The following CCNY variants were observed in gnomAD, a reference collection of about 807,000 sequenced individuals.
CCNY encodes cyclin-Y.
In CCNY, 19 loss-of-function variants were observed where a neutral mutation model predicts 42.8. The observed-to-expected ratio is 0.44, with a 90% CI of 0.31 to 0.65. The LOEUF is 0.65. Ranked by LOEUF, CCNY falls within the 30% of genes least tolerant of loss-of-function variation. The pLI, the probability that CCNY is intolerant of heterozygous loss-of-function variation, is 0.07. For missense variants in CCNY, 370 were observed against 437.3 expected, an observed-to-expected ratio of 0.85 and a Z score of 1.37; for synonymous variants, 165 against 162.7, an observed-to-expected ratio of 1.01 and a Z score of -0.11.
chr10:35,275,385 G>A (rs917520570), intron 3 of CCNY, among the ~76,000 whole-genome samples: 1 of 151,972 alleles, frequency 6.6e-6, no homozygotes, highest in East Asian at 2.0e-4. Flanking sequence ...TTGTTCCTGT[G>A]AGAGAAAGGA....
At chr10:35,354,288 A>G (rs1836494490) in intron 1 of CCNY, among the ~76,000 whole-genome samples, 1 of 150,390 alleles carries the variant, frequency 6.6e-6, no homozygotes, top group Non-Finnish European at 1.5e-5. Context: ...TGGGTTCAAG[A>G]GAGTCTCCTG....
intron 3 of CCNY, among the ~76,000 whole-genome samples, chr10:35,510,211 T>TTTTA (rs1438106172): frequency 1.3e-5 from 2 of 152,148 alleles, no homozygotes; most frequent in African/African-American, 2.4e-5. Context: ...TAATACTTCA[T>TTTTA]TTTATTTATT....
intron 1 of CCNY, among the ~76,000 whole-genome samples, chr10:35,368,839 T>A (rs1309956985): frequency 6.7e-6 from 1 of 149,260 alleles, no homozygotes; most frequent in Non-Finnish European, 1.5e-5. Context: ...TTTCCTTGGC[T>A]TTTCTTAACC....
In CCNY at chr10:35,249,960, C is replaced by T. The variant is rs188924879; in HGVS notation, c.-113-562C>T. 4.8e-3 allele frequency among the ~76,000 whole-genome samples: 735 copies of T among 151,914 alleles called. 49 individuals are homozygous for T. In the South Asian group the frequency reaches 0.13, roughly 27 times the overall value. On this transcript the variant is annotated intron_variant, in intron 2 of 11. Coordinates refer to the CCNY transcript ENST00000374706. ...CTGTAATCCCAGCACTTTGGGAGGC[C>T]GAGGCAGGTGCATCACAAGGTCAGG...
chr10:35,422,194 A>C (rs1838173321), intron 1 of CCNY, among the ~76,000 whole-genome samples: 1 of 152,136 alleles, frequency 6.6e-6, no homozygotes, highest in Non-Finnish European at 1.5e-5. Context: ...TAAATTTAAA[A>C]CCTACAGTCG....
At chr10:35,404,945 T>G (rs1195179852) in intron 1 of CCNY, among the ~76,000 whole-genome samples, 1 of 152,042 alleles carries the variant, frequency 6.6e-6, no homozygotes, top group Non-Finnish European at 1.5e-5. Context: ...GAAGAGAGGC[T>G]GGTATGAAGG....
At chr10:35,366,858 ATAAATT>A (rs1836819482) in intron 1 of CCNY, among the ~76,000 whole-genome samples, 3 of 152,234 alleles carry the variant, frequency 2.0e-5, no homozygotes, top group Non-Finnish European at 4.4e-5. Flanking sequence ...ATTTTAAAGA[ATAAATT>A]TAGATAGCCA....
chr10:35,427,391 G>A (rs958409077), intron 1 of CCNY, among the ~76,000 whole-genome samples: 1 of 152,032 alleles, frequency 6.6e-6, no homozygotes, highest in Non-Finnish European at 1.5e-5. Context: ...CAGATGTCAC[G>A]GTTTTTTAAA....
intron 1 of CCNY, among the ~76,000 whole-genome samples, chr10:35,338,811 AAAG>A (rs1201828410): frequency 2.6e-5 from 4 of 152,216 alleles, no homozygotes; most frequent in East Asian, 1.9e-4. Context: ...AAAAGAAAAA[AAAG>A]AAGATTTACA....
chr10:35,327,548 T>C (rs931795055), intron 3 of CCNY: 17 of 152,240 alleles, frequency 1.1e-4, no homozygotes, highest in African/African-American at 3.9e-4. Context: ...GAGAAAACTG[T>C]TAGCAGGAGT....
chr10:35,395,435 A>C (rs1342469334), intron 1 of CCNY, among the ~76,000 whole-genome samples: 2 of 152,190 alleles, frequency 1.3e-5, no homozygotes, highest in Non-Finnish European at 2.9e-5. Context: ...TATGGAAATT[A>C]CTAGAGGTAA....
At chr10:35,290,264 A>ACACACACACACACACAC (rs61407161) in intron 3 of CCNY, among the ~76,000 whole-genome samples, 3 of 149,094 alleles carry the variant, frequency 2.0e-5, no homozygotes, top group African/African-American at 5.0e-5. Flanking sequence ...ACACACACAC[A>ACACACACACACACACAC]AAATTAGCTG....
chr10:35,360,604 G>T (rs1836663281), intron 1 of CCNY, among the ~76,000 whole-genome samples: 1 of 151,796 alleles, frequency 6.6e-6, no homozygotes, highest in Admixed American at 6.6e-5. Context: ...TTTAAAAGTA[G>T]TATTTATTAT....
rs200562795 is a variant in CCNY at position 35,374,267 on chromosome 10, A to AT, written c.154+37068dup. On this transcript the variant is annotated intron_variant, in intron 1 of 9. Transcript: ENST00000374704. ...GAGATGGAATGATACCATGGGGTTA[A>AT]TTTTTTTTATTAATTTTTAATACAT... Among the ~76,000 whole-genome samples, 6 of 152,142 alleles carry AT rather than the reference A, an allele frequency of 3.9e-5. No homozygotes were observed. The East Asian group carries it at 5.8e-4, about 15-fold the overall frequency.
chr10:35,480,989 A>G (rs1043383599), intron 1 of CCNY, among the ~76,000 whole-genome samples: 1 of 152,196 alleles, frequency 6.6e-6, no homozygotes, highest in Non-Finnish European at 1.5e-5. Flanking sequence ...CAAACCAATG[A>G]AAGTGTTTAC....
At chr10:35,367,947 G>A (rs978148465) in intron 1 of CCNY, among the ~76,000 whole-genome samples, 2 of 152,208 alleles carry the variant, frequency 1.3e-5, no homozygotes, top group African/African-American at 4.8e-5. Context: ...ACTTTGGAGT[G>A]TAAATGCTGG....
chr10:35,261,080 C>T (rs1035438111), intron 3 of CCNY, among the ~76,000 whole-genome samples: 2 of 151,814 alleles, frequency 1.3e-5, no homozygotes, highest in African/African-American at 2.4e-5. Context: ...TACTGCACTC[C>T]GCCTAGGTGA....
Position 35,564,294 on chromosome 10 carries a change from C to T in CCNY, c.747-1729C>T, listed in dbSNP as rs142652867. On this transcript the variant is annotated intron_variant, in intron 8 of 9. Coordinates refer to ENST00000374704, the MANE Select transcript of CCNY (RefSeq NM_145012.6). ...GACGCTCTTCATCTGATGAAGAGAC[C>T]GGAATGGGCCTTCCTCGGGCCTCCT... 2.9e-3 allele frequency among the ~76,000 whole-genome samples: 435 copies of T among 152,208 alleles called. 2 individuals carry two copies. Among genetic ancestry groups the T allele is most frequent in the African/African-American group, 9.0e-3 (372 of 41,508 alleles).
intron 1 of CCNY, among the ~76,000 whole-genome samples, chr10:35,418,676 G>C (rs1838080608): frequency 6.6e-6 from 1 of 152,020 alleles, no homozygotes; most frequent in Admixed American, 6.6e-5. Context: ...AGTGGAGGTA[G>C]AGCGAGCACA....
Sources: gnomAD v4.1 joint callset for allele counts (sites outside exome capture counted in the v4.1 genomes callset) on GRCh38, gnomAD v4.1.1 for gene constraint, MANE v1.5 for transcripts, NCBI Gene and HGNC (gene_info 2026-07-23, HGNC 2026-07-21) for gene names.